The following OSBPL10 variants were observed in gnomAD, a reference collection of about 807,000 sequenced individuals.
OSBPL10 encodes the protein oxysterol-binding protein-related protein 10.
A neutral mutation model predicts 81.7 loss-of-function variants in OSBPL10; 49 were observed. The observed-to-expected ratio is 0.60, with a 90% CI of 0.48 to 0.76. The LOEUF (loss-of-function observed/expected upper bound fraction) is 0.76, where lower values mean the gene tolerates loss of function less well. OSBPL10 is among the 30% of genes least tolerant of loss of function. The pLI is 0.00. For missense variants in OSBPL10, 923 were observed against 987.8 expected (o/e 0.93, Z 0.88); for synonymous variants, 419 against 383.6 (o/e 1.09, Z -1.08).
chr3:31,748,215 G>T, intron 4 of OSBPL10, 95 bp from the exon 5 acceptor site: 1 of 1,075,530 alleles, frequency 9.3e-7, no homozygotes, highest in Non-Finnish European at 1.4e-6. Flanking sequence ...GGTAAAACTA[G>T]GTGAGGGTCA....
chr3:31,925,207 C>CT (rs1697035778), intron 1 of OSBPL10, among the ~76,000 whole-genome samples: 1 of 152,148 alleles, frequency 6.6e-6, no homozygotes, highest in Non-Finnish European at 1.5e-5. Context: ...TTCTCTGTCT[C>CT]TCTCTTCCTA....
chr3:31,960,534 T>C (rs1176006740), intron 1 of OSBPL10, among the ~76,000 whole-genome samples: 1 of 152,190 alleles, frequency 6.6e-6, no homozygotes, highest in African/African-American at 2.4e-5. Context: ...TTGACCTAAA[T>C]GAGAAAGCAA....
intron 8 of OSBPL10, among the ~76,000 whole-genome samples, chr3:31,679,529 T>G (rs760615157): frequency 2.6e-5 from 4 of 152,150 alleles, no homozygotes; most frequent in Non-Finnish European, 5.9e-5. Flanking sequence ...GATAAGGAGG[T>G]AAACATGATT....
chr3:31,694,145 C>T (rs1695639392), intron 7 of OSBPL10, among the ~76,000 whole-genome samples: 2 of 152,104 alleles, frequency 1.3e-5, no homozygotes, highest in Admixed American at 6.5e-5. Flanking sequence ...CCAAGGCAGG[C>T]AGATCACCTG....
intron 1 of OSBPL10, among the ~76,000 whole-genome samples, chr3:31,915,697 A>C (rs908934271): frequency 3.3e-5 from 5 of 152,080 alleles, no homozygotes; most frequent in African/African-American, 1.2e-4. Flanking sequence ...CTCAAACGTG[A>C]GCATCACTCA....
intron 1 of OSBPL10, among the ~76,000 whole-genome samples, chr3:31,959,548 T>C (rs575065492): frequency 1.3e-5 from 2 of 152,268 alleles, no homozygotes; most frequent in South Asian, 4.1e-4. Context: ...AAGCAGCTAA[T>C]ACATAAGCCA....
At chr3:31,920,968 A>G (rs1007952345) in intron 1 of OSBPL10, among the ~76,000 whole-genome samples, 1 of 152,094 alleles carries the variant, frequency 6.6e-6, no homozygotes, top group Non-Finnish European at 1.5e-5. Flanking sequence ...AGCCAAATAA[A>G]ACTCTATTAT....
chr3:31,794,911 G>A (rs140753340), intron 4 of OSBPL10: 66 of 361,298 alleles, frequency 1.8e-4, no homozygotes, highest in African/African-American at 1.4e-3. Context: ...AGAGAAACTC[G>A]AGAGAAGGGG....
intron 1 of OSBPL10, among the ~76,000 whole-genome samples, chr3:31,980,630 G>A (rs1698807819): frequency 6.6e-6 from 1 of 152,164 alleles, no homozygotes; most frequent in African/African-American, 2.4e-5. Context: ...GTCTCTGCAG[G>A]TGCCAGCATA....
chr3:32,047,998 T>C (rs1053813760), intron 1 of OSBPL10, among the ~76,000 whole-genome samples: 1 of 152,118 alleles, frequency 6.6e-6, no homozygotes, highest in Non-Finnish European at 1.5e-5. Flanking sequence ...TCTTGTGACC[T>C]GTATCTTGTG....
intron 1 of OSBPL10, among the ~76,000 whole-genome samples, chr3:31,974,851 G>C (rs1254388343): frequency 6.6e-6 from 1 of 152,192 alleles, no homozygotes. Context: ...GTACTTTTCT[G>C]AATGTAGATT....
chr3:32,036,155 C>T (rs1013490765), intron 2 of OSBPL10, among the ~76,000 whole-genome samples: 1 of 152,192 alleles, frequency 6.6e-6, no homozygotes, highest in Non-Finnish European at 1.5e-5. Context: ...TCAAGCAATC[C>T]TCTTGCCTTC....
intron 4 of OSBPL10, among the ~76,000 whole-genome samples, chr3:31,751,497 G>A (rs1156381041): frequency 6.6e-6 from 1 of 152,206 alleles, no homozygotes; most frequent in African/African-American, 2.4e-5. Flanking sequence ...TGGCAGTTAC[G>A]ATGGCTGGGG....
intron 1 of OSBPL10, among the ~76,000 whole-genome samples, chr3:31,935,479 A>G (rs1697357976): frequency 6.6e-6 from 1 of 151,848 alleles, no homozygotes; most frequent in African/African-American, 2.4e-5. Context: ...TTTGGGAACT[A>G]AAAGAAGAAA....
chr3:31,932,156 A>T (rs1300327263), intron 1 of OSBPL10, among the ~76,000 whole-genome samples: 1 of 152,220 alleles, frequency 6.6e-6, no homozygotes, highest in Non-Finnish European at 1.5e-5. Flanking sequence ...ATGGTCTCTC[A>T]TTCAAGAAAC....
At chr3:31,891,704 ATAT>A (rs1180576169) in intron 1 of OSBPL10, among the ~76,000 whole-genome samples, 1 of 152,158 alleles carries the variant, frequency 6.6e-6, no homozygotes, top group Non-Finnish European at 1.5e-5. Flanking sequence ...TGCCACGGAA[ATAT>A]TATTTGGCAG....
chr3:31,964,614 T>C (rs1207605836), intron 1 of OSBPL10, among the ~76,000 whole-genome samples: 1 of 152,208 alleles, frequency 6.6e-6, no homozygotes, highest in Non-Finnish European at 1.5e-5. Flanking sequence ...AATTAAATTG[T>C]CTGAAAAAGC....
chr3:31,797,954 TAATA>T, intron 4 of OSBPL10: 1 of 321,990 alleles, frequency 3.1e-6, no homozygotes, highest in Non-Finnish European at 6.3e-6. Context: ...ACTGAAACAA[TAATA>T]ATTATTTTTA....
chr3:31,965,547 T>TATATTATATAAATTATATATTATATA (rs1559534890), intron 1 of OSBPL10, among the ~76,000 whole-genome samples: 85 of 7,198 alleles, frequency 0.012, 19 homozygotes, highest in East Asian at 0.042. Context: ...AATTATATAT[T>TATATTATATAAATTATATATTATATA]ATATATTATA....
Sources: gnomAD v4.1 joint callset for allele counts (sites outside exome capture counted in the v4.1 genomes callset) on GRCh38, gnomAD v4.1.1 for gene constraint, MANE v1.5 for transcripts, NCBI Gene and HGNC (gene_info 2026-07-23, HGNC 2026-07-21) for gene names.